Variants in FAM149A observed in about 807,000 individuals in gnomAD.
The protein encoded by FAM149A is family with sequence similarity 149 member A, also known as protein FAM149A.
In FAM149A, 71 loss-of-function variants were observed where a neutral mutation model predicts 78.2. The ratio of observed to expected loss-of-function variants is 0.91; its 90% CI spans 0.75 to 1.11. FAM149A has a LOEUF of 1.11. Among genes scored for constraint, FAM149A ranks in the 50% least tolerant of loss-of-function variants. The probability of loss-of-function intolerance (pLI) is 0.00; values close to 1 mark genes in which losing one functional copy is unlikely to be tolerated. For synonymous variants in FAM149A, 446 were observed against 410.5 expected (o/e 1.09, Z -1.04); for missense variants, 1,036 against 971.0 (o/e 1.07, Z -0.89).
intron 1 of FAM149A, among the ~76,000 whole-genome samples, chr4:186,128,860 C>T (rs2099319422): frequency 6.6e-6 from 1 of 150,920 alleles, no homozygotes; most frequent in South Asian, 2.1e-4. Flanking sequence ...GTGTATGCAT[C>T]TGTATAGGGG....
intron 1 of FAM149A, chr4:186,109,640 ATAAG>A: frequency 2.1e-5 from 21 of 984,630 alleles, no homozygotes; most frequent in Non-Finnish European, 2.3e-5. Flanking sequence ...AATTGAAATA[ATAAG>A]TAATATATGG....
At chr4:186,125,915 G>T (rs1519317) in intron 1 of FAM149A, 24 of 985,324 alleles carry the variant, frequency 2.4e-5, no homozygotes, top group Middle Eastern at 1.0e-3. Context: ...GTGTCCTGCA[G>T]ACTCGCACTG....
intron 1 of FAM149A, chr4:186,117,999 A>T (rs2099314432): frequency 1.0e-6 from 1 of 985,292 alleles, no homozygotes; most frequent in African/African-American, 1.7e-5. Context: ...TGTCATGCAG[A>T]TGAGGAGTTC....
chr4:186,154,619 G>A lies in FAM149A; in HGVS notation c.1210G>A (p.Ala404Thr), dbSNP rs771218181. ...GGATGGAAAGATTGAGGAGTATTTC[G>A]CTTTTGACAGAAAAGAGGAGTAAAT... Residue 404 changes from alanine (A) to threonine (T), a missense_variant, in exon 6 of 14, where the codon GCT becomes ACT. Ala to Thr is a moderately conservative substitution (Grantham distance 58, BLOSUM62 0). Transcript: ENST00000389354. 9 of 1,613,644 alleles carry A rather than the reference G, an allele frequency of 5.6e-6. No homozygotes were observed. The highest frequency in any genetic ancestry group is 1.7e-5 in the Admixed American group (1 of 59,958).
intron 1 of FAM149A, chr4:186,126,920 A>G: frequency 1.0e-6 from 1 of 985,354 alleles, no homozygotes. Flanking sequence ...GTGTATCACA[A>G]TTCTGTGGTG....
At chr4:186,133,326 A>G in intron 1 of FAM149A, 1 of 381,596 alleles carries the variant, frequency 2.6e-6, no homozygotes, top group Non-Finnish European at 3.6e-6. Flanking sequence ...CATCTCAAAC[A>G]AACTCACTAC....
At chr4:186,171,843 C>G in intron 13 of FAM149A, 71 bp from the exon 14 acceptor site, 1 of 1,265,966 alleles carries the variant, frequency 7.9e-7, no homozygotes, top group Non-Finnish European at 1.1e-6. Context: ...ATGGAGTGTA[C>G]AAAACAATCG....
rs925472226 is a variant in FAM149A, at chr4:186,167,153, C to T, written c.2140-31C>T. 3.1e-6 allele frequency: 5 copies of T among 1,606,384 alleles called. No individual in the cohort carries two copies. In the Admixed American group the frequency reaches 6.7e-5, roughly 22 times the overall value. ...TGAAAAACATTTGAAAAAAATGAAACTTGTCCCTGATTTTATTTTTCTTCC... is the reference window on the plus strand; with the variant it reads ...TGAAAAACATTTGAAAAAAATGAAATTTGTCCCTGATTTTATTTTTCTTCC... On this transcript the variant is annotated intron_variant, in intron 12 of 13. Transcript: ENST00000389354.
At chr4:186,157,263 G>T (rs181587758) in intron 7 of FAM149A, among the ~76,000 whole-genome samples, 46 of 152,294 alleles carry the variant, frequency 3.0e-4, no homozygotes, top group African/African-American at 1.0e-3. Context: ...GTACAATAAG[G>T]CAATAATCAC....
intron 1 of FAM149A, among the ~76,000 whole-genome samples, chr4:186,138,746 A>T (rs2099324571): frequency 1.3e-5 from 2 of 152,122 alleles, no homozygotes; most frequent in Non-Finnish European, 2.9e-5. Context: ...CACAGAAGGG[A>T]AGTGCCTTTC....
chr4:186,108,112 T>C (rs1332786323), intron 1 of FAM149A, among the ~76,000 whole-genome samples: 1 of 152,198 alleles, frequency 6.6e-6, no homozygotes, highest in African/African-American at 2.4e-5. Context: ...TCCTACCATC[T>C]CATCTGTCAC....
intron 4 of FAM149A, 96 bp from the exon 5 acceptor site, chr4:186,153,549 C>A: frequency 1.3e-6 from 2 of 1,525,204 alleles, no homozygotes; most frequent in Non-Finnish European, 1.8e-6. Flanking sequence ...TTATCATACA[C>A]ATGCCTTCAA....
At chr4:186,126,095 G>A in intron 1 of FAM149A, 1 of 985,250 alleles carries the variant, frequency 1.0e-6, no homozygotes, top group Non-Finnish European at 1.2e-6. Flanking sequence ...TCCAATATTT[G>A]AAAATTATTT....
intron 1 of FAM149A, among the ~76,000 whole-genome samples, chr4:186,130,314 T>TATATATATAAAA (rs141900902): frequency 8.6e-6 from 1 of 116,456 alleles, no homozygotes; most frequent in Non-Finnish European, 1.7e-5. Flanking sequence ...TATATATATA[T>TATATATATAAAA]AATCTATATC....
chr4:186,138,110 G>A (rs1357567092), intron 1 of FAM149A, among the ~76,000 whole-genome samples: 1 of 152,086 alleles, frequency 6.6e-6, no homozygotes, highest in African/African-American at 2.4e-5. Context: ...CTATTATTCT[G>A]GTACATGTGT....
chr4:186,143,772 C>A (rs1385034899), intron 1 of FAM149A, among the ~76,000 whole-genome samples: 2 of 152,144 alleles, frequency 1.3e-5, no homozygotes, highest in Admixed American at 6.5e-5. Flanking sequence ...CTCAAGTGAT[C>A]CGCCCACCTC....
rs562615746 is a variant in FAM149A, at chr4:186,138,470, G to A, written c.567-10703G>A. Among the ~76,000 whole-genome samples, 22 of 152,302 alleles carry A rather than the reference G, an allele frequency of 1.4e-4. No homozygotes were observed. In the East Asian group the frequency reaches 2.3e-3, roughly 16 times the overall value. Reference sequence around the variant, plus strand: ...CATGATGGAGGGTCATCTGCTTCACGCAGGGTCCCCTAAACTGTATTAACC... The same window carrying A: ...CATGATGGAGGGTCATCTGCTTCACACAGGGTCCCCTAAACTGTATTAACC... On this transcript the variant is annotated intron_variant, in intron 1 of 13. Transcript: ENST00000389354.
At chr4:186,113,956 T>C (rs549988107) in intron 1 of FAM149A, among the ~76,000 whole-genome samples, 192 of 151,620 alleles carry the variant, frequency 1.3e-3, no homozygotes, top group African/African-American at 4.3e-3. Context: ...CCTTGTTGAC[T>C]TTCTGTCTCG....
chr4:186,154,391 G>T, intron 5 of FAM149A, 77 bp from the exon 6 acceptor site: 1 of 1,230,332 alleles, frequency 8.1e-7, no homozygotes, highest in South Asian at 1.6e-5. Context: ...ATAATTGAAA[G>T]ATCCGCCATG....
Sources: allele counts gnomAD v4.1 joint callset (sites outside exome capture counted in the v4.1 genomes callset), GRCh38; gene constraint gnomAD v4.1.1; transcripts MANE v1.5; gene names NCBI Gene and HGNC (gene_info 2026-07-23, HGNC 2026-07-21).